The following SYN2 variants were observed in gnomAD, a reference collection of about 807,000 sequenced individuals.
SYN2 encodes synapsin II.
SYN2 carries 19 observed loss-of-function variants against 50.9 expected under a neutral mutation model. That is an observed-to-expected ratio of 0.37 (90% confidence interval 0.26 to 0.55). SYN2 has a LOEUF of 0.55. Ranked by LOEUF, SYN2 falls within the 20% of genes least tolerant of loss-of-function variation. The pLI is 0.81. For synonymous variants in SYN2, 255 were observed against 224.9 expected, an observed-to-expected ratio of 1.13 and a Z score of -1.20; for missense variants, 587 against 576.4, an observed-to-expected ratio of 1.02 and a Z score of -0.19.
At chr3:12,085,683 G>C (rs75578047) in intron 1 of SYN2, among the ~76,000 whole-genome samples, 2 of 152,022 alleles carry the variant, frequency 1.3e-5, no homozygotes, top group Non-Finnish European at 2.9e-5. Context: ...AATTAAAAGG[G>C]AAAATAAAAA....
chr3:12,172,251 T>C (rs754523329), intron 10 of SYN2, among the ~76,000 whole-genome samples: 6 of 152,208 alleles, frequency 3.9e-5, no homozygotes, highest in Non-Finnish European at 7.3e-5. Flanking sequence ...AGATGATGTC[T>C]AGATCCCTTT....
At chr3:12,152,212 A>T (rs1020879749) in intron 5 of SYN2, among the ~76,000 whole-genome samples, 28 of 152,210 alleles carry the variant, frequency 1.8e-4, no homozygotes, top group African/African-American at 6.8e-4. Flanking sequence ...GGCCCTGCTC[A>T]CCAGCAGACC....
chr3:12,177,058 C>T (rs1055040127), intron 10 of SYN2, among the ~76,000 whole-genome samples: 1 of 152,140 alleles, frequency 6.6e-6, no homozygotes. Flanking sequence ...CTGTGTGCAG[C>T]CATGGGACCT....
Position 12,145,774 on chromosome 3 carries a change from C to T in SYN2, c.623C>T (p.Ala208Val), listed in dbSNP as rs1378159488. The change falls in exon 4 of 13, where the codon GCA becomes GTA. Residue 208 changes from alanine to valine, a missense_variant. Transcript: ENST00000621198. ...FRHLIIGMQY[A>V]GLPSINSLES... ...CACCTGATCATTGGTATGCAGTATG[C>T]AGGCCTCCCCAGCATCAACTCACTG... 6.2e-7 allele frequency: 1 copy of T among 1,614,006 alleles called. No individual in the cohort carries two copies. Among genetic ancestry groups the T allele is most frequent in the Non-Finnish European group, 8.5e-7 (1 of 1,179,870 alleles).
chr3:12,058,838 G>A (rs1226635618), intron 1 of SYN2, among the ~76,000 whole-genome samples: 1 of 152,180 alleles, frequency 6.6e-6, no homozygotes, highest in Non-Finnish European at 1.5e-5. Flanking sequence ...TCTCCTGAGA[G>A]TCCCTTCTCA....
chr3:12,011,770 G>T (rs1181988093), intron 1 of SYN2, among the ~76,000 whole-genome samples: 1 of 152,162 alleles, frequency 6.6e-6, no homozygotes, highest in Non-Finnish European at 1.5e-5. Context: ...TCCGCTGGAG[G>T]TCTACTATAT....
intron 1 of SYN2, among the ~76,000 whole-genome samples, chr3:12,076,299 C>T (rs1232927983): frequency 6.6e-6 from 1 of 152,010 alleles, no homozygotes; most frequent in Non-Finnish European, 1.5e-5. Flanking sequence ...ATTTCAGATA[C>T]TCTGCTTGTC....
At chr3:12,136,124 C>T (rs1287118882) in intron 1 of SYN2, among the ~76,000 whole-genome samples, 1 of 152,028 alleles carries the variant, frequency 6.6e-6, no homozygotes, top group Non-Finnish European at 1.5e-5. Flanking sequence ...CATGAGCAGA[C>T]AATAAATGTG....
intron 1 of SYN2, among the ~76,000 whole-genome samples, chr3:12,108,906 A>G (rs1161882486): frequency 6.6e-6 from 1 of 151,328 alleles, no homozygotes; most frequent in Non-Finnish European, 1.5e-5. Flanking sequence ...AAGGAAATAG[A>G]TGAAAAACTC....
chr3:12,015,694 T>C (rs1293305908), intron 1 of SYN2, among the ~76,000 whole-genome samples: 1 of 152,242 alleles, frequency 6.6e-6, no homozygotes, highest in Non-Finnish European at 1.5e-5. Flanking sequence ...CACCCTTGTC[T>C]GATGTTCCTA....
At chr3:12,028,563 C>T (rs903648601) in intron 1 of SYN2, among the ~76,000 whole-genome samples, 91 of 147,602 alleles carry the variant, frequency 6.2e-4, no homozygotes, top group Non-Finnish European at 1.2e-3. Flanking sequence ...TTAATGATTG[C>T]CATTCTAACT....
Position 12,145,763 on chromosome 3 carries a change from T to G in SYN2, c.612T>G (p.Gly204=), listed in dbSNP as rs747928005. 1 of 1,614,022 alleles carries G rather than the reference T, an allele frequency of 6.2e-7. No homozygotes were observed. The highest frequency in any genetic ancestry group is 8.5e-7 in the Non-Finnish European group (1 of 1,179,876). The change falls in exon 4 of 13, where the codon GGT becomes GGG. Residue 204 remains glycine (G), a synonymous_variant. Transcript: ENST00000621198. The part of the protein sequence containing the change: ...ENEDFRHLII[G]MQYAGLPSIN... ...AGGACTTCCGCCACCTGATCATTGG[T>G]ATGCAGTATGCAGGCCTCCCCAGCA...
At chr3:12,054,389 G>A (rs1694942651) in intron 1 of SYN2, among the ~76,000 whole-genome samples, 1 of 152,162 alleles carries the variant, frequency 6.6e-6, no homozygotes, top group Non-Finnish European at 1.5e-5. Context: ...GTTGTAGGAG[G>A]AGCCAGAGAC....
rs189318684 is a variant in SYN2, at chr3:12,107,412, C to T, written c.378-33239C>T. 5.3e-5 allele frequency among the ~76,000 whole-genome samples: 8 copies of T among 152,230 alleles called. No individual in the cohort carries two copies. The East Asian group carries it at 1.5e-3, about 29-fold the overall frequency. ...TGCAGTATAATAACATTTGCTCGGT[C>T]CTTATTGATGATCTGCTCAAAAAAT... On this transcript the variant is annotated intron_variant, in intron 1 of 12. Transcript: ENST00000621198.
intron 1 of SYN2, among the ~76,000 whole-genome samples, chr3:12,088,653 A>G (rs1695762077): frequency 1.2e-5 from 1 of 82,368 alleles, no homozygotes; most frequent in Non-Finnish European, 2.9e-5. Context: ...TTGTTAACCA[A>G]TGGACGGATA....
intron 4 of SYN2, 123 bp from the exon 5 acceptor site, chr3:12,151,114 C>A: frequency 3.0e-6 from 2 of 672,926 alleles, no homozygotes; most frequent in Non-Finnish European, 5.2e-6. Context: ...CTTTTATATC[C>A]TCACAATGCT....
chr3:12,069,025 G>A (rs1391866270), intron 1 of SYN2, among the ~76,000 whole-genome samples: 1 of 152,114 alleles, frequency 6.6e-6, no homozygotes, highest in Non-Finnish European at 1.5e-5. Context: ...ATAATATATG[G>A]TCTCCTGTCA....
chr3:12,157,097 CAA>C (rs58310367), intron 5 of SYN2, among the ~76,000 whole-genome samples: 6 of 125,938 alleles, frequency 4.8e-5, no homozygotes, highest in Non-Finnish European at 8.5e-5. Context: ...TCTCTTAAAA[CAA>C]AACAACAACA....
At chr3:12,121,318 G>A (rs1322124787) in intron 1 of SYN2, among the ~76,000 whole-genome samples, 2 of 152,170 alleles carry the variant, frequency 1.3e-5, no homozygotes, top group East Asian at 3.8e-4. Context: ...CCTCTTCCTA[G>A]TTCTAGCATC....
Sources: gnomAD v4.1 joint callset for allele counts (sites outside exome capture counted in the v4.1 genomes callset) on GRCh38, gnomAD v4.1.1 for gene constraint, MANE v1.5 for transcripts, NCBI Gene and HGNC (gene_info 2026-07-23, HGNC 2026-07-21) for gene names.